Variants in CLEC2A observed in about 807,000 individuals in gnomAD.
The protein encoded by CLEC2A is C-type lectin domain family 2 member A.
Under a neutral mutation model 18.6 loss-of-function variants are expected in CLEC2A, and 19 were observed. The observed-to-expected ratio is 1.02, with a 90% CI of 0.71 to 1.50. CLEC2A has a LOEUF of 1.50. Among genes scored for constraint, CLEC2A ranks in the 40% most tolerant of loss-of-function variants. The pLI is 0.00. For synonymous variants in CLEC2A, 74 were observed against 64.0 expected, an observed-to-expected ratio of 1.16 and a Z score of -0.75; for missense variants, 190 against 207.9, an observed-to-expected ratio of 0.91 and a Z score of 0.53.
chr12:9,929,316 T>C (rs1232824096), intron 1 of CLEC2A, among the ~76,000 whole-genome samples: 1 of 152,212 alleles, frequency 6.6e-6, no homozygotes, highest in Non-Finnish European at 1.5e-5. Flanking sequence ...TAAACAGTAG[T>C]AGTTACAGTG....
chr12:9,884,887 AT>A, the CLEC2A span: 1 of 601,190 alleles, frequency 1.7e-6, no homozygotes. Context: ...ACAGAAAAAT[AT>A]TTATAAAGTG....
the CLEC2A span, among the ~76,000 whole-genome samples, chr12:9,878,914 G>A: frequency 2.0e-5 from 3 of 152,146 alleles, no homozygotes; most frequent in Non-Finnish European, 4.4e-5. Flanking sequence ...GATGGAGAAT[G>A]CTTTTGTGAG....
chr12:9,899,294 G>A (rs1401815898), intron 4 of CLEC2A, among the ~76,000 whole-genome samples: 1 of 152,154 alleles, frequency 6.6e-6, no homozygotes, highest in Non-Finnish European at 1.5e-5. Flanking sequence ...CTAACTGAGA[G>A]GAGTATCTCA....
At chr12:9,917,973 A>C (rs1025387279) in intron 3 of CLEC2A, among the ~76,000 whole-genome samples, 13 of 151,948 alleles carry the variant, frequency 8.6e-5, no homozygotes, top group Non-Finnish European at 1.6e-4. Flanking sequence ...AATTTGTTTT[A>C]AGTTCCTTAG....
chr12:9,908,705 C>T (rs78327904), downstream of CLEC2A, among the ~76,000 whole-genome samples: 170 of 152,282 alleles, frequency 1.1e-3, no homozygotes, highest in African/African-American at 3.9e-3. Context: ...CTTAAAGAGA[C>T]CTGTTCTTCC....
chr12:9,927,432 T>A (rs1036716508), intron 1 of CLEC2A, among the ~76,000 whole-genome samples: 1 of 152,214 alleles, frequency 6.6e-6, no homozygotes, highest in Non-Finnish European at 1.5e-5. Context: ...CATGACTATA[T>A]GTGTATATCG....
intron 4 of CLEC2A, 44 bp from the exon 5 acceptor site, chr12:9,913,724 T>C: frequency 7.9e-7 from 1 of 1,265,124 alleles, no homozygotes; most frequent in South Asian, 1.4e-5. Context: ...CACTTACGGC[T>C]GTAATCAAAA....
At chr12:9,888,813 T>G in the CLEC2A span, 1 of 1,352,446 alleles carries the variant, frequency 7.4e-7, no homozygotes, top group East Asian at 2.5e-5. Context: ...TGTGCTACTC[T>G]TAGGGGTAAA....
chr12:9,887,839 C>T, the CLEC2A span, among the ~76,000 whole-genome samples: 1 of 150,274 alleles, frequency 6.7e-6, no homozygotes, highest in South Asian at 2.1e-4. Context: ...AGCGCTTGAG[C>T]CCAGGAGTTC....
chr12:9,913,662 G>A lies in CLEC2A; in HGVS notation c.429C>T (p.Asn143=), dbSNP rs377339235. The A allele has an allele frequency of 6.5e-5, 100 of 1,546,980 alleles. No homozygotes were observed. Among genetic ancestry groups the A allele is most frequent in the Middle Eastern group, 5.0e-4 (3 of 5,976 alleles). ...CAGCACTCAAGAAAGCAAAGGATCCGTTCCCTATAATTTCAAACCTGAAAA... is the reference window on the plus strand; with the variant it reads ...CAGCACTCAAGAAAGCAAAGGATCCATTCCCTATAATTTCAAACCTGAAAA... ...TFNGWFEIIG[N]GSFAFLSADG... Residue 143 remains asparagine, a synonymous_variant, in exon 5 of 5, where the codon AAC becomes AAT. Coordinates refer to ENST00000455827, the MANE Select transcript of CLEC2A (RefSeq NM_001130711.2).
chr12:9,888,363 G>A, the CLEC2A span, among the ~76,000 whole-genome samples: 4 of 151,882 alleles, frequency 2.6e-5, no homozygotes, highest in East Asian at 1.9e-4. Flanking sequence ...GGTGGTGCGC[G>A]CCTGTAGTCC....
At chr12:9,902,390 G>A (rs538083517) in intron 4 of CLEC2A, among the ~76,000 whole-genome samples, 7 of 151,936 alleles carry the variant, frequency 4.6e-5, no homozygotes, top group South Asian at 2.1e-4. Flanking sequence ...GCACCATTGC[G>A]CCTGGTTAAT....
downstream of CLEC2A, among the ~76,000 whole-genome samples, chr12:9,896,320 C>T (rs1040214625): frequency 5.3e-5 from 8 of 152,070 alleles, no homozygotes; most frequent in African/African-American, 1.7e-4. Context: ...GTATAATGTA[C>T]AATATTTAGG....
chr12:9,886,742 G>A, the CLEC2A span, among the ~76,000 whole-genome samples: 1 of 145,660 alleles, frequency 6.9e-6, no homozygotes, highest in Non-Finnish European at 1.5e-5. Flanking sequence ...TTTACACAGT[G>A]GATTTTGCCC....
chr12:9,927,682 C>T (rs1167890820), intron 1 of CLEC2A, among the ~76,000 whole-genome samples: 1 of 152,066 alleles, frequency 6.6e-6, no homozygotes, highest in African/African-American at 2.4e-5. Context: ...CACCAGACTA[C>T]AGATAATGTG....
the CLEC2A span, among the ~76,000 whole-genome samples, chr12:9,881,896 G>C: frequency 6.6e-6 from 1 of 152,108 alleles, no homozygotes; most frequent in South Asian, 2.1e-4. Context: ...GTAATCCTGT[G>C]TGTTGTAGCA....
intron 4 of CLEC2A, among the ~76,000 whole-genome samples, chr12:9,899,593 C>G (rs553953073): frequency 2.0e-5 from 3 of 152,266 alleles, no homozygotes; most frequent in African/African-American, 7.2e-5. Context: ...ATCTTTGCAT[C>G]CCTGAGTCCC....
At chr12:9,912,523 C>T (rs544887047), downstream of CLEC2A, among the ~76,000 whole-genome samples, 1 of 152,250 alleles carries the variant, frequency 6.6e-6, no homozygotes, top group Non-Finnish European at 1.5e-5. Flanking sequence ...TTCTCGAGCA[C>T]CCATGTTATG....
chr12:9,913,738 CAATT>C (rs1181475505), intron 4 of CLEC2A, 58 bp from the exon 5 acceptor site: 2 of 1,100,168 alleles, frequency 1.8e-6, no homozygotes, highest in Admixed American at 2.7e-5. Flanking sequence ...ATCAAAAAGA[CAATT>C]AATAATAGAG....
Sources: allele counts gnomAD v4.1 joint callset (sites outside exome capture counted in the v4.1 genomes callset), GRCh38; gene constraint gnomAD v4.1.1; transcripts MANE v1.5; gene names NCBI Gene and HGNC (gene_info 2026-07-23, HGNC 2026-07-21).